GREB1: variants seen among roughly 807,000 people sequenced by gnomAD.
The protein encoded by GREB1 is growth regulating estrogen receptor binding 1, also known as protein GREB1.
GREB1 carries 106 observed loss-of-function variants against 200.7 expected under a neutral mutation model. The observed-to-expected ratio is 0.53, with a 90% confidence interval of 0.45 to 0.62. GREB1 has a LOEUF of 0.62. Ranked by LOEUF, GREB1 falls within the 20% of genes least tolerant of loss-of-function variation. The pLI is 0.00. For synonymous variants in GREB1, 1,132 were observed against 1,092.4 expected (o/e 1.04, Z -0.72); for missense variants, 2,243 against 2,556.8 (o/e 0.88, Z 2.65).
chr2:11,526,235 A>G (rs1282699033), intron 1 of GREB1, among the ~76,000 whole-genome samples: 1 of 152,132 alleles, frequency 6.6e-6, no homozygotes, highest in Non-Finnish European at 1.5e-5. Flanking sequence ...ACGGCACTTC[A>G]TGAGACTCTG....
intron 5 of GREB1, 96 bp from the exon 6 acceptor site, chr2:11,578,201 T>C: frequency 7.4e-7 from 1 of 1,344,154 alleles, no homozygotes; most frequent in South Asian, 1.3e-5. Context: ...TCTCCATAGC[T>C]CACTGTCCTG....
At chr2:11,537,367 A>G (rs1335406945) in intron 1 of GREB1, among the ~76,000 whole-genome samples, 1 of 152,180 alleles carries the variant, frequency 6.6e-6, no homozygotes, top group African/African-American at 2.4e-5. Flanking sequence ...GTATAATATT[A>G]TATATGTGCC....
chr2:11,580,949 T>A lies in GREB1; in HGVS notation c.901+117T>A, dbSNP rs920455931. The A allele has an allele frequency of 7.7e-7, 1 of 1,295,338 alleles. No individual in the cohort carries two copies. The highest frequency in any genetic ancestry group is 1.1e-6 in the Non-Finnish European group (1 of 907,246). 80.2% of individuals were successfully genotyped at this position (1,295,338 alleles called of 1,614,324 possible). Reference sequence around the variant, plus strand: ...GAGCCTCCTGGAGTCTGATGTGGCTTCCATGAGAGTCAGGCCAGGACCACA... The same window carrying A: ...GAGCCTCCTGGAGTCTGATGTGGCTACCATGAGAGTCAGGCCAGGACCACA... On this transcript the variant is annotated intron_variant, in intron 7 of 32. Transcript: ENST00000381486. This position sits in a 1 kb window ranked among gnomAD's most constrained non-coding sequence, Gnocchi z 4.5.
At chr2:11,581,495 G>A (rs1378194717) in intron 7 of GREB1, among the ~76,000 whole-genome samples, 1 of 152,174 alleles carries the variant, frequency 6.6e-6, no homozygotes, top group Non-Finnish European at 1.5e-5. Context: ...GAGCAAAGAG[G>A]GAATGAGGAG....
At chr2:11,516,746 A>T (rs1460221843) in intron 1 of GREB1, among the ~76,000 whole-genome samples, 1 of 152,162 alleles carries the variant, frequency 6.6e-6, no homozygotes, top group African/African-American at 2.4e-5. Context: ...CATCTAAGGG[A>T]AAGACCTGCA....
rs1683770098 is a variant in GREB1, at chr2:11,618,980, T to C, written c.4044+61T>C. 15 of 1,394,308 alleles carry C rather than the reference T, an allele frequency of 1.1e-5. No individual in the cohort carries two copies. In the Admixed American group the frequency reaches 3.7e-4, roughly 34 times the overall value. 86.4% of individuals were successfully genotyped at this position (1,394,308 alleles called of 1,614,324 possible). ...CTGGGGGGGTCCTCACACTCCCATC[T>C]GGAGGGCAGGCCTGGGGGTGACCGC... On this transcript the variant is annotated intron_variant, in intron 22 of 32. Transcript: ENST00000381486.
In GREB1 at chr2:11,616,748, G is replaced by A. The variant is rs777081228; in HGVS notation, c.3412+28G>A. The A allele has an allele frequency of 4.5e-6, 6 of 1,334,382 alleles. No individual in the cohort carries two copies. In the Admixed American group the frequency reaches 6.9e-5, roughly 15 times the overall value. The allele number at this position is 1,334,382 out of a possible 1,614,324, so 82.7% of individuals were successfully genotyped here. A position where few individuals can be genotyped will look rare whatever the true frequency, so the allele number is the denominator to read the frequency against. Reference sequence around the variant, plus strand: ...GAGTCTTCCCACACGGGAAGGACCAGACCAGCAGACTGATTTTTGAGGTTT... The same window carrying A: ...GAGTCTTCCCACACGGGAAGGACCAAACCAGCAGACTGATTTTTGAGGTTT... On this transcript the variant is annotated intron_variant, in intron 21 of 32. Coordinates refer to ENST00000381486, the MANE Select transcript of GREB1 (RefSeq NM_014668.4).
rs373262222 is a variant in GREB1 at position 11,598,001 on chromosome 2, G to A, written c.2152+23G>A. ...CAGGTATGGGGCATTTTGGGGAGAA[G>A]TCACGTGTGGAGAAGCTTTGATCTG... On this transcript the variant is annotated intron_variant, in intron 14 of 32. Coordinates refer to ENST00000381486, the MANE Select transcript of GREB1 (RefSeq NM_014668.4). 37 of 1,570,370 alleles carry A rather than the reference G, an allele frequency of 2.4e-5. No individual in the cohort carries two copies. In the African/African-American group the frequency reaches 4.6e-4, roughly 19 times the overall value.
intron 6 of GREB1, among the ~76,000 whole-genome samples, chr2:11,579,591 G>C (rs1679250279): frequency 6.6e-6 from 1 of 152,190 alleles, no homozygotes; most frequent in East Asian, 1.9e-4. Context: ...AGAACACTGA[G>C]GCATAGGGAG....
Position 11,640,174 on chromosome 2 carries a change from G to GCTTC in GREB1, c.5687-116_5687-113dup. 1 of 919,654 alleles carries GCTTC rather than the reference G, an allele frequency of 1.1e-6. No individual in the cohort carries two copies. Among genetic ancestry groups the GCTTC allele is most frequent in the Non-Finnish European group, 1.6e-6 (1 of 618,686 alleles). The allele number at this position is 919,654 out of a possible 1,614,324, so 57.0% of individuals were successfully genotyped here. ...GAAGCAAGGGGCCGACTTGGATGCC[G>GCTTC]CTTCTGCCCTTCCCAACAGCGCCCT... On this transcript the variant is annotated intron_variant, in intron 32 of 32. Transcript: ENST00000381486. This position sits in a 1 kb window ranked among gnomAD's most constrained non-coding sequence, Gnocchi z 4.6.
chr2:11,587,685 G>A, intron 9 of GREB1: 1 of 1,155,604 alleles, frequency 8.7e-7, no homozygotes, highest in Non-Finnish European at 1.1e-6. Context: ...AGTACCTGGA[G>A]TACAAGATAA....
At chr2:11,520,443 G>T (rs1213072310) in intron 1 of GREB1, among the ~76,000 whole-genome samples, 1 of 152,124 alleles carries the variant, frequency 6.6e-6, no homozygotes, top group African/African-American at 2.4e-5. Flanking sequence ...TCCTTATTTG[G>T]GTTGTTGGCA....
At chr2:11,608,209 A>G (rs1682584091) in intron 17 of GREB1, among the ~76,000 whole-genome samples, 1 of 152,228 alleles carries the variant, frequency 6.6e-6, no homozygotes, top group Admixed American at 6.5e-5. Context: ...TTTTCTATCT[A>G]CGACATTGAA....
intron 7 of GREB1, among the ~76,000 whole-genome samples, chr2:11,582,004 C>T (rs1043900036): frequency 3.0e-4 from 46 of 152,220 alleles, no homozygotes; most frequent in Middle Eastern, 3.2e-3. Flanking sequence ...TCCCGTCCTC[C>T]GCAGCAGCCT....
At chr2:11,487,167 C>T (rs905786208) in intron 1 of GREB1, among the ~76,000 whole-genome samples, 1 of 152,110 alleles carries the variant, frequency 6.6e-6, no homozygotes, top group African/African-American at 2.4e-5. Context: ...TTGAGCTTTG[C>T]CTATCATTTG....
rs751509461 is a variant in GREB1 at position 11,625,204 on chromosome 2, C to A, written c.4198C>A (p.Pro1400Thr). 1.5e-5 allele frequency: 24 copies of A among 1,613,684 alleles called. No homozygotes were observed. The highest frequency in any genetic ancestry group is 1.9e-5 in the Non-Finnish European group (23 of 1,179,538). Residue 1400 changes from proline to threonine, a missense_variant, in exon 24 of 33, where the codon CCA (proline) becomes ACA (threonine). Coordinates refer to ENST00000381486, the MANE Select transcript of GREB1 (RefSeq NM_014668.4). ...WHYLQLSDPW[P>T]DLELFKKLPF... Reference sequence around the variant, plus strand: ...TTATCTCCAGCTTAGCGACCCCTGGCCAGACCTGGAGCTGTTCAAGAAGTT... The same window carrying A: ...TTATCTCCAGCTTAGCGACCCCTGGACAGACCTGGAGCTGTTCAAGAAGTT...
chr2:11,597,190 G>T lies in GREB1; in HGVS notation c.1955-591G>T, dbSNP rs1177731085. On this transcript the variant is annotated intron_variant, in intron 13 of 32. Transcript: ENST00000381486. The surrounding 1 kb of genome is among the most constrained non-coding windows in gnomAD (Gnocchi z 4.1). Reference sequence around the variant, plus strand: ...CAGCATCCAAGGACTCAGATTGGAGGTAGCAATGTCAGAGGCACATCCACA... The same window carrying T: ...CAGCATCCAAGGACTCAGATTGGAGTTAGCAATGTCAGAGGCACATCCACA... 6.6e-6 allele frequency among the ~76,000 whole-genome samples: 1 copy of T among 152,098 alleles called. No individual in the cohort carries two copies. Among genetic ancestry groups the T allele is most frequent in the East Asian group, 1.9e-4 (1 of 5,196 alleles).
At chr2:11,504,820 C>T (rs1249006373) in intron 1 of GREB1, among the ~76,000 whole-genome samples, 1 of 152,204 alleles carries the variant, frequency 6.6e-6, no homozygotes, top group Non-Finnish European at 1.5e-5. Flanking sequence ...TGTTTTCATT[C>T]CTACACTATT....
chr2:11,566,724 C>T (rs529244316), intron 4 of GREB1, 68 bp downstream of exon 4: 25 of 1,403,728 alleles, frequency 1.8e-5, no homozygotes, highest in Admixed American at 7.0e-5. Context: ...AGGGAGGTCA[C>T]GGCGGGGGGT....
Sources: gnomAD v4.1 joint callset for allele counts (sites outside exome capture counted in the v4.1 genomes callset) on GRCh38, gnomAD v4.1.1 for gene constraint, Gnocchi (gnomAD v3.1) non-coding constraint, MANE v1.5 for transcripts, NCBI Gene and HGNC (gene_info 2026-07-23, HGNC 2026-07-21) for gene names.